The following ZNF260 variants were observed in gnomAD, a reference collection of about 807,000 sequenced individuals.
ZNF260 encodes zinc finger protein 260.
A neutral mutation model predicts 29.3 loss-of-function variants in ZNF260; 21 were observed. That is an observed-to-expected ratio of 0.72 (90% confidence interval 0.51 to 1.03). ZNF260 has a LOEUF of 1.03. Ranked by LOEUF, ZNF260 falls within the 50% of genes least tolerant of loss-of-function variation. The probability of loss-of-function intolerance (pLI) is 0.00; values close to 1 mark genes in which losing one functional copy is unlikely to be tolerated. For synonymous variants in ZNF260, 156 were observed against 156.8 expected (o/e 0.99, Z 0.04); for missense variants, 465 against 487.8 (o/e 0.95, Z 0.44).
chr19:36,516,902 A>G (rs2034561013), intron 2 of ZNF260, among the ~76,000 whole-genome samples: 1 of 152,170 alleles, frequency 6.6e-6, no homozygotes, highest in Admixed American at 6.5e-5. Flanking sequence ...AACATAAGGA[A>G]TCGGTGAGAA....
intron 2 of ZNF260, among the ~76,000 whole-genome samples, chr19:36,524,517 G>GTCTTTTTTTTTTTTTT (rs2034697641): frequency 1.1e-5 from 1 of 90,972 alleles, no homozygotes; most frequent in African/African-American, 4.0e-5. Flanking sequence ...TTACATGCTA[G>GTCTTTTTTTTTTTTTT]TTTTTTTTTT....
At chr19:36,522,462 A>G (rs181146390) in intron 2 of ZNF260, among the ~76,000 whole-genome samples, 1 of 152,142 alleles carries the variant, frequency 6.6e-6, no homozygotes, top group African/African-American at 2.4e-5. Context: ...ATCTCAAAAA[A>G]TAAATAAATA....
At position 36,513,039 on chromosome 19, in the gene ZNF260, A is replaced by T. The variant is rs2034477933; in HGVS notation, c.*961T>A. On this transcript the variant is annotated 3_prime_UTR_variant, in exon 3 of 3. Transcript: ENST00000523638. ...ATTCTGAGAGAAAGATCATATTCAC[A>T]TAACTTTTATGATTACAGTATATTG... The T allele has an allele frequency of 6.6e-6, 1 of 152,194 alleles. No individual in the cohort carries two copies. The allele number at this position is 152,194 out of a possible 1,614,324, so 9.4% of individuals were successfully genotyped here. A position where few individuals can be genotyped will look rare whatever the true frequency, so the allele number is the denominator to read the frequency against.
At position 36,511,071 on chromosome 19, in the gene ZNF260, G is replaced by A. The variant is rs980062259; in HGVS notation, c.*2929C>T. ...TATTTTATTTGGGTATATTACCTCA[G>A]AAAATCAACAACTGTCATTTTCAAT... On this transcript the variant is annotated 3_prime_UTR_variant, in exon 3 of 3. Coordinates refer to ENST00000523638, the MANE Select transcript of ZNF260 (RefSeq NM_001166037.2). The A allele has an allele frequency of 1.3e-5, 2 of 152,132 alleles. No individual in the cohort carries two copies. Among genetic ancestry groups the A allele is most frequent in the African/African-American group, 4.8e-5 (2 of 41,426 alleles). The allele number at this position is 152,132 out of a possible 1,614,324, so 9.4% of individuals were successfully genotyped here.
rs2034523501 is a variant in ZNF260 at position 36,514,966 on chromosome 19, G to A, written c.273C>T (p.Ala91=). 1 of 1,614,044 alleles carries A rather than the reference G, an allele frequency of 6.2e-7. No individual in the cohort carries two copies. The highest frequency in any genetic ancestry group is 8.5e-7 in the Non-Finnish European group (1 of 1,180,008). Residue 91 remains alanine (A), a synonymous_variant, in exon 3 of 3, where the codon GCC becomes GCT. Transcript: ENST00000523638. ...KAYKCNKCGK[A]FSQKENFLSH... Reference sequence around the variant, plus strand: ...AAAGGAAGTTTTCCTTCTGGCTGAAGGCTTTTCCACATTTATTACATTTAT... The same window carrying A: ...AAAGGAAGTTTTCCTTCTGGCTGAAAGCTTTTCCACATTTATTACATTTAT...
At chr19:36,524,153 C>T (rs529513568) in intron 2 of ZNF260, among the ~76,000 whole-genome samples, 5 of 151,970 alleles carry the variant, frequency 3.3e-5, no homozygotes, top group East Asian at 3.9e-4. Context: ...AATAGTTATA[C>T]ATAGAATGAT....
rs1194278211 is a variant in ZNF260, at chr19:36,528,204, C to CA, written c.-681+14_-681+15insT. 6.6e-6 allele frequency: 1 copy of CA among 152,498 alleles called. No homozygotes were observed. The highest frequency in any genetic ancestry group is 1.5e-5 in the Non-Finnish European group (1 of 68,248). 9.4% of individuals were successfully genotyped at this position (152,498 alleles called of 1,614,324 possible). ...TCCAGAAACCCAAGTCCCACAGGGCCGAAACCCAACTCACCGGCAGACAAA... is the reference window on the plus strand; with the variant it reads ...TCCAGAAACCCAAGTCCCACAGGGCCAGAAACCCAACTCACCGGCAGACAAA... On this transcript the variant is annotated intron_variant, in intron 1 of 2. Transcript: ENST00000523638.
At position 36,514,600 on chromosome 19, in the gene ZNF260, G is replaced by C; in HGVS notation, c.639C>G (p.Ile213Met). ...QKENLIIHQR[I>M]HTGEKPYECK... ...ATTCATAAGGTTTCTCTCCAGTATG[G>C]ATTCTCTGATGTATAATGAGGTTTT... The change falls in exon 3 of 3, where the codon ATC (isoleucine) becomes ATG (methionine). Residue 213 changes from isoleucine (I) to methionine (M), a missense_variant. Coordinates refer to ENST00000523638, the MANE Select transcript of ZNF260 (RefSeq NM_001166037.2). 1 of 1,613,604 alleles carries C rather than the reference G, an allele frequency of 6.2e-7. No individual in the cohort carries two copies. Among genetic ancestry groups the C allele is most frequent in the South Asian group, 1.1e-5 (1 of 91,046 alleles).
rs183214747 is a variant in ZNF260, at chr19:36,515,893, T to C, written c.-461-194A>G. 7.2e-5 allele frequency among the ~76,000 whole-genome samples: 11 copies of C among 151,924 alleles called. 2 individuals carry two copies. The highest frequency in any genetic ancestry group is 2.4e-4 in the African/African-American group (10 of 41,448). On this transcript the variant is annotated intron_variant, in intron 2 of 2. Coordinates refer to ENST00000523638, the MANE Select transcript of ZNF260 (RefSeq NM_001166037.2). ...AATAGATTCTTTTTTTTTTTTGAGATGGAATTTCGCTCTTGTTGCCCAGGC... is the reference window on the plus strand; with the variant it reads ...AATAGATTCTTTTTTTTTTTTGAGACGGAATTTCGCTCTTGTTGCCCAGGC...
At chr19:36,524,517 G>GTTGTTTTT (rs2034697699) in intron 2 of ZNF260, among the ~76,000 whole-genome samples, 1 of 90,972 alleles carries the variant, frequency 1.1e-5, no homozygotes, top group South Asian at 4.0e-4. Context: ...TTACATGCTA[G>GTTGTTTTT]TTTTTTTTTT....
chr19:36,520,257 T>C (rs918980916), intron 2 of ZNF260, among the ~76,000 whole-genome samples: 1 of 134,680 alleles, frequency 7.4e-6, no homozygotes, highest in Non-Finnish European at 1.6e-5. Context: ...TTAGTAAAAA[T>C]AGGAAAAAGA....
At chr19:36,516,357 A>C (rs1013973853) in intron 2 of ZNF260, among the ~76,000 whole-genome samples, 1 of 152,176 alleles carries the variant, frequency 6.6e-6, no homozygotes, top group African/African-American at 2.4e-5. Flanking sequence ...GCACTTTGGA[A>C]GGGTGAGGCA....
chr19:36,512,065 A>G lies in ZNF260; in HGVS notation c.*1935T>C, dbSNP rs1251051850. ...TGTGCATATATTATTTAATAATATGATCCTTAAATGTATGTGATCCAACCA... is the reference window on the plus strand; with the variant it reads ...TGTGCATATATTATTTAATAATATGGTCCTTAAATGTATGTGATCCAACCA... On this transcript the variant is annotated 3_prime_UTR_variant, in exon 3 of 3. Transcript: ENST00000523638. The G allele has an allele frequency of 6.6e-6, 1 of 152,160 alleles. No homozygotes were observed. The highest frequency in any genetic ancestry group is 1.5e-5 in the Non-Finnish European group (1 of 68,030). The allele number at this position is 152,160 out of a possible 1,614,324, so 9.4% of individuals were successfully genotyped here.
chr19:36,514,177 A>G lies in ZNF260; in HGVS notation c.1062T>C (p.His354=). ...TACAACCATAGGGTTTCTCACCTGT[A>G]TGGCTTCTCATATGCACAGTAAGAG... ...SSSLTVHMRS[H]TGEKPYGCNE... is the part of the protein sequence containing the mutation. Residue 354 remains histidine, a synonymous_variant, in exon 3 of 3, where the codon CAT becomes CAC. Transcript: ENST00000523638. The G allele has an allele frequency of 3.1e-6, 5 of 1,613,968 alleles. No individual in the cohort carries two copies. Among genetic ancestry groups the G allele is most frequent in the Non-Finnish European group, 4.2e-6 (5 of 1,179,958 alleles).
Position 36,514,750 on chromosome 19 carries a change from T to C in ZNF260, c.489A>G (p.Pro163=), listed in dbSNP as rs746925875. 11 of 1,613,582 alleles carry C rather than the reference T, an allele frequency of 6.8e-6. No individual in the cohort carries two copies. Among genetic ancestry groups the C allele is most frequent in the African/African-American group, 1.3e-5 (1 of 75,028 alleles). The change falls in exon 3 of 3, where the codon CCA becomes CCG. Residue 163 remains proline (P), a synonymous_variant. Transcript: ENST00000523638. ...EHEKIHTGEK[P]FECNQCGRAF... ...CTCTTCCACACTGATTACATTCAAA[T>C]GGTTTTTCTCCAGTATGAATTTTCT...
At chr19:36,527,210 T>C (rs1490215579) in intron 1 of ZNF260, among the ~76,000 whole-genome samples, 1 of 152,176 alleles carries the variant, frequency 6.6e-6, no homozygotes, top group African/African-American at 2.4e-5. Context: ...TAGGAGTACT[T>C]AGATGATCAA....
At chr19:36,522,772 G>A (rs901976938) in intron 2 of ZNF260, among the ~76,000 whole-genome samples, 1 of 152,150 alleles carries the variant, frequency 6.6e-6, no homozygotes, top group South Asian at 2.1e-4. Context: ...AGAGAACCTC[G>A]GAGGAATCCA....
chr19:36,518,382 T>C (rs899253630), intron 2 of ZNF260, among the ~76,000 whole-genome samples: 9 of 152,286 alleles, frequency 5.9e-5, no homozygotes, highest in African/African-American at 1.9e-4. Context: ...CATATAATAC[T>C]ACAATTAATA....
At chr19:36,516,319 G>C (rs2034548971) in intron 2 of ZNF260, among the ~76,000 whole-genome samples, 1 of 152,172 alleles carries the variant, frequency 6.6e-6, no homozygotes, top group African/African-American at 2.4e-5. Flanking sequence ...AATAAGGCTA[G>C]GTATGGTGGT....
Sources: allele counts gnomAD v4.1 joint callset (sites outside exome capture counted in the v4.1 genomes callset), GRCh38; gene constraint gnomAD v4.1.1; transcripts MANE v1.5; gene names NCBI Gene and HGNC (gene_info 2026-07-23, HGNC 2026-07-21).